Variants in ZNF57 observed in about 807,000 individuals in gnomAD.
ZNF57 encodes zinc finger protein 424.
In ZNF57, 11 loss-of-function variants were observed where a neutral mutation model predicts 13.4. The ratio of observed to expected loss-of-function variants is 0.82; its 90% confidence interval spans 0.52 to 1.36. ZNF57 has a LOEUF of 1.36. ZNF57 is among the 40% of genes most tolerant of loss of function. The pLI is 0.00. For synonymous variants in ZNF57, 224 were observed against 238.5 expected (o/e 0.94, Z 0.56); for missense variants, 696 against 667.5 (o/e 1.04, Z -0.47).
Position 2,917,718 on chromosome 19 carries a change from G to A in ZNF57, c.1097G>A (p.Cys366Tyr). 1 of 1,613,884 alleles carries A rather than the reference G, an allele frequency of 6.2e-7. No individual in the cohort carries two copies. The highest frequency in any genetic ancestry group is 8.5e-7 in the Non-Finnish European group (1 of 1,179,922). The change falls in exon 4 of 4, where the codon TGT (cysteine) becomes TAT (tyrosine). Residue 366 changes from cysteine to tyrosine, a missense_variant. This residue lies in a region of ZNF57 where 645 missense variants were observed against 591.5 expected (regional missense o/e 1.09). Coordinates refer to ENST00000306908, the MANE Select transcript of ZNF57 (RefSeq NM_173480.3). ...CACACTGGAGAGAAACCTTATGAGT[G>A]TAAACAATGTGGGAAAGCCTTCACT... ...RTHTGEKPYE[C>Y]KQCGKAFTWS...
Position 2,917,321 on chromosome 19 carries a change from A to G in ZNF57, c.700A>G (p.Asn234Asp). The G allele has an allele frequency of 6.2e-7, 1 of 1,614,156 alleles. No homozygotes were observed. Among genetic ancestry groups the G allele is most frequent in the Non-Finnish European group, 8.5e-7 (1 of 1,179,982 alleles). The change falls in exon 4 of 4, where the codon AAT becomes GAT. Residue 234 changes from asparagine (N) to aspartate (D), a missense_variant. This residue lies in a region of ZNF57 where 645 missense variants were observed against 591.5 expected (regional missense o/e 1.09). Coordinates refer to ENST00000306908, the MANE Select transcript of ZNF57 (RefSeq NM_173480.3). Reference sequence around the variant, plus strand: ...ATGCGAGCAGTGTCGGATGGCGTTTAATGGGTTCGCAAGCTTCACTAGACA... The same window carrying G: ...ATGCGAGCAGTGTCGGATGGCGTTTGATGGGTTCGCAAGCTTCACTAGACA... ...YKCEQCRMAF[N>D]GFASFTRHVR...
intron 1 of ZNF57, 26 bp downstream of exon 1, chr19:2,901,074 A>C (rs757404451): frequency 1.3e-5 from 20 of 1,550,762 alleles, no homozygotes; most frequent in Non-Finnish European, 1.7e-5. Context: ...GAGCAGAGCC[A>C]GGGGACGGTC....
chr19:2,903,272 C>CTCCACA (rs201405686), intron 1 of ZNF57, among the ~76,000 whole-genome samples: 4,521 of 152,014 alleles, frequency 0.03, 101 homozygotes, highest in Middle Eastern at 0.1. Context: ...AGTACAGTGG[C>CTCCACA]GTGATCTCCA....
At chr19:2,914,237 T>C (rs377646041) in intron 1 of ZNF57, among the ~76,000 whole-genome samples, 1 of 152,172 alleles carries the variant, frequency 6.6e-6, no homozygotes, top group Non-Finnish European at 1.5e-5. Context: ...TTTTTAATTA[T>C]CCATTTCTTT....
chr19:2,903,887 T>G (rs1179599590), intron 1 of ZNF57, among the ~76,000 whole-genome samples: 2 of 152,228 alleles, frequency 1.3e-5, no homozygotes, highest in East Asian at 3.9e-4. Context: ...GGCTAATTTT[T>G]TGTATTTTTA....
At chr19:2,901,148 AC>A (rs1220309975) in intron 1 of ZNF57, 100 bp downstream of exon 1, 1 of 1,409,368 alleles carries the variant, frequency 7.1e-7, no homozygotes, top group East Asian at 2.9e-5. Context: ...TGGCTGAGGG[AC>A]GCGCGGGGCG....
chr19:2,900,962 G>A lies in ZNF57; in HGVS notation c.-84G>A, dbSNP rs557266379. On this transcript the variant is annotated 5_prime_UTR_variant, in exon 1 of 4. Transcript: ENST00000306908. ...GCGCGTGCCCTGCCTACCACGAGCGGCCCGGGAGTACCTGTACCTTTCAGC... is the reference window on the plus strand; with the variant it reads ...GCGCGTGCCCTGCCTACCACGAGCGACCCGGGAGTACCTGTACCTTTCAGC... 1.4e-5 allele frequency: 21 copies of A among 1,531,588 alleles called. 1 individual carries two copies. The South Asian group carries it at 2.5e-4, about 18-fold the overall frequency. 94.9% of individuals were successfully genotyped at this position (1,531,588 alleles called of 1,614,324 possible).
rs559187516 is a variant in ZNF57 at position 2,908,981 on chromosome 19, C to A, written c.4-6541C>A. Among the ~76,000 whole-genome samples the A allele has an allele frequency of 3.3e-5, 5 of 152,160 alleles. 1 individual carries two copies. In the South Asian group the frequency reaches 1.0e-3, roughly 32 times the overall value. On this transcript the variant is annotated intron_variant, in intron 1 of 3. Transcript: ENST00000306908. ...CCTAATATGTGTTCTTTTCTGACGG[C>A]TTCTCTCACTGGGCATGTTTTCAGG...
intron 1 of ZNF57, among the ~76,000 whole-genome samples, chr19:2,903,028 A>G (rs1217612443): frequency 2.0e-5 from 3 of 152,318 alleles, no homozygotes; most frequent in Admixed American, 1.3e-4. Flanking sequence ...CTGGCTGGGC[A>G]GCCTCCACTT....
At chr19:2,916,029 T>C (rs2088189465) in intron 2 of ZNF57, 49 bp from the exon 3 acceptor site, 1 of 1,573,710 alleles carries the variant, frequency 6.4e-7, no homozygotes, top group Admixed American at 1.9e-5. Context: ...CTTCCTTTGC[T>C]TAATACGTGT....
intron 1 of ZNF57, among the ~76,000 whole-genome samples, chr19:2,910,957 T>C (rs977898716): frequency 6.6e-6 from 1 of 151,772 alleles, no homozygotes; most frequent in Non-Finnish European, 1.5e-5. Flanking sequence ...TCCACTCTTT[T>C]TCTGCCTTTT....
chr19:2,903,550 C>G (rs1246240759), intron 1 of ZNF57, among the ~76,000 whole-genome samples: 1 of 151,838 alleles, frequency 6.6e-6, no homozygotes, highest in African/African-American at 2.4e-5. Flanking sequence ...GGCCTTACTG[C>G]CCGCATAAAT....
chr19:2,918,383 G>C lies in ZNF57; in HGVS notation c.*94G>C. On this transcript the variant is annotated 3_prime_UTR_variant, in exon 4 of 4. Transcript: ENST00000306908. ...ACCAGGAGAGAAATCTTACAAGTAT[G>C]ATATTGTCTTTGTCAATACCTCATT... 7.3e-7 allele frequency: 1 copy of C among 1,374,268 alleles called. No homozygotes were observed. The highest frequency in any genetic ancestry group is 9.8e-7 in the Non-Finnish European group (1 of 1,018,406). The allele number at this position is 1,374,268 out of a possible 1,614,324, so 85.1% of individuals were successfully genotyped here.
chr19:2,904,270 G>C (rs2088054829), intron 1 of ZNF57, among the ~76,000 whole-genome samples: 1 of 152,208 alleles, frequency 6.6e-6, no homozygotes, highest in Non-Finnish European at 1.5e-5. Context: ...TGAGACAGTG[G>C]GTGACGCAGT....
chr19:2,906,305 C>T (rs1326433850), intron 1 of ZNF57, among the ~76,000 whole-genome samples: 1 of 152,246 alleles, frequency 6.6e-6, no homozygotes, highest in African/African-American at 2.4e-5. Context: ...CCTCCCGCCT[C>T]AGCCTCCCAA....
intron 1 of ZNF57, among the ~76,000 whole-genome samples, chr19:2,911,097 C>G (rs1418936486): frequency 6.6e-6 from 1 of 151,754 alleles, no homozygotes; most frequent in Non-Finnish European, 1.5e-5. Context: ...GGGTCTTGCT[C>G]TATCAGCCAG....
intron 3 of ZNF57, 94 bp from the exon 4 acceptor site, chr19:2,916,825 CTGAAA>C: frequency 9.2e-7 from 1 of 1,085,344 alleles, no homozygotes; most frequent in Non-Finnish European, 1.3e-6. Context: ...TTCACGTATA[CTGAAA>C]TGTAGTTAGA....
intron 1 of ZNF57, among the ~76,000 whole-genome samples, chr19:2,903,541 G>C (rs2088046882): frequency 6.6e-6 from 1 of 151,400 alleles, no homozygotes; most frequent in African/African-American, 2.4e-5. Context: ...AACACCAGTG[G>C]CCTTACTGCC....
Position 2,905,405 on chromosome 19 carries a change from T to TCCG in ZNF57, c.3+4358_3+4359insCGC, listed in dbSNP as rs140126572. ...GTCTCGAACTCTTGACTTCAGGTGA[T>TCCG]CGCCCCCCCCCCCTCGGCATTCCAA... On this transcript the variant is annotated intron_variant, in intron 1 of 3. Transcript: ENST00000306908. Among the ~76,000 whole-genome samples, 6 of 47,506 alleles carry TCCG rather than the reference T, an allele frequency of 1.3e-4. 2 individuals are homozygous for TCCG. Among genetic ancestry groups the TCCG allele is most frequent in the African/African-American group, 2.7e-4 (3 of 11,076 alleles). The allele number at this position is 47,506 out of a possible 152,430, so 31.2% of individuals were successfully genotyped here. A position where few individuals can be genotyped will look rare whatever the true frequency, so the allele number is the denominator to read the frequency against.
Sources: gnomAD v4.1 joint callset for allele counts (sites outside exome capture counted in the v4.1 genomes callset) on GRCh38, gnomAD v4.1.1 for gene constraint, gnomAD v4.1.1 regional missense constraint, MANE v1.5 for transcripts, NCBI Gene and HGNC (gene_info 2026-07-23, HGNC 2026-07-21) for gene names.